DTNBP1: variants seen among roughly 807,000 people sequenced by gnomAD.
The protein encoded by DTNBP1 is dystrobrevin binding protein 1.
A neutral mutation model predicts 42.8 loss-of-function variants in DTNBP1; 35 were observed. That is an observed-to-expected ratio of 0.82 (90% CI 0.63 to 1.09). The LOEUF (loss-of-function observed/expected upper bound fraction) is 1.09. Among genes scored for constraint, DTNBP1 ranks in the 50% least tolerant of loss-of-function variants. The pLI is 0.00. For synonymous variants in DTNBP1, 171 were observed against 162.2 expected, an observed-to-expected ratio of 1.05 and a Z score of -0.41; for missense variants, 457 against 424.2, an observed-to-expected ratio of 1.08 and a Z score of -0.68.
chr6:15,652,183 A>T, intron 1 of DTNBP1, 43 bp from the exon 2 acceptor site: 1 of 1,466,754 alleles, frequency 6.8e-7, no homozygotes, highest in Non-Finnish European at 9.3e-7. Flanking sequence ...AAGTCAAGAG[A>T]TTATTATTAT....
At chr6:15,584,722 T>C (rs1285425535) in intron 7 of DTNBP1, among the ~76,000 whole-genome samples, 1 of 146,680 alleles carries the variant, frequency 6.8e-6, no homozygotes, top group African/African-American at 2.5e-5. Context: ...TTTTTTTTTT[T>C]TTTTTTCATT....
In DTNBP1 at chr6:15,542,587, G is replaced by T. The variant is rs551116932; in HGVS notation, c.512-9192C>A. ...GGGTTTCACATTGTTTGACAGGATG[G>T]TCTCGATCTCCTGACCTTTTGATCC... On this transcript the variant is annotated intron_variant, in intron 7 of 9. Transcript: ENST00000344537. Among the ~76,000 whole-genome samples the T allele has an allele frequency of 2.6e-5, 4 of 152,162 alleles. No homozygotes were observed. The East Asian group carries it at 7.7e-4, about 29-fold the overall frequency.
At chr6:15,585,029 A>C (rs952883488) in intron 7 of DTNBP1, among the ~76,000 whole-genome samples, 2 of 144,130 alleles carry the variant, frequency 1.4e-5, no homozygotes, top group African/African-American at 5.1e-5. Flanking sequence ...CTAACAGATA[A>C]GGAATACACT....
At chr6:15,540,682 T>TC (rs1314125598) in intron 7 of DTNBP1, among the ~76,000 whole-genome samples, 1 of 152,116 alleles carries the variant, frequency 6.6e-6, no homozygotes, top group Admixed American at 6.6e-5. Context: ...TGCTCTGTCG[T>TC]CCAGGCTGGA....
At chr6:15,575,716 G>GA (rs1301508119) in intron 7 of DTNBP1, among the ~76,000 whole-genome samples, 18 of 152,268 alleles carry the variant, frequency 1.2e-4, no homozygotes, top group Admixed American at 5.2e-4. Flanking sequence ...TCATGGAGGG[G>GA]AAAAAACACT....
chr6:15,622,846 C>T (rs1581404532), intron 5 of DTNBP1, among the ~76,000 whole-genome samples: 1 of 152,192 alleles, frequency 6.6e-6, no homozygotes, highest in Admixed American at 6.5e-5. Context: ...TACATATCAT[C>T]TGTAGTGTAA....
chr6:15,607,413 T>G (rs992138454), intron 6 of DTNBP1, among the ~76,000 whole-genome samples: 1 of 152,170 alleles, frequency 6.6e-6, no homozygotes, highest in Non-Finnish European at 1.5e-5. Context: ...GGGATTCTCC[T>G]GCCTCAGCCT....
At chr6:15,646,694 G>A (rs1760699652) in intron 3 of DTNBP1, among the ~76,000 whole-genome samples, 1 of 152,000 alleles carries the variant, frequency 6.6e-6, no homozygotes, top group Non-Finnish European at 1.5e-5. Context: ...GAACAGGATA[G>A]AGAATCCAGA....
At chr6:15,645,187 GGA>G (rs1760603645) in intron 3 of DTNBP1, among the ~76,000 whole-genome samples, 3 of 151,914 alleles carry the variant, frequency 2.0e-5, no homozygotes, top group South Asian at 2.1e-4. Context: ...TAGAGGAAAT[GGA>G]TTAATTCCTA....
intron 6 of DTNBP1, among the ~76,000 whole-genome samples, chr6:15,596,073 T>C (rs542884599): frequency 5.3e-5 from 8 of 152,126 alleles, no homozygotes; most frequent in Non-Finnish European, 8.8e-5. Flanking sequence ...TAATTAATAC[T>C]TGGCAAGAGC....
chr6:15,617,329 A>G (rs1758771508), intron 5 of DTNBP1, among the ~76,000 whole-genome samples: 1 of 152,206 alleles, frequency 6.6e-6, no homozygotes, highest in Non-Finnish European at 1.5e-5. Flanking sequence ...AATCCCTATC[A>G]AAACACCAAT....
chr6:15,563,069 G>A (rs992114837), intron 7 of DTNBP1, among the ~76,000 whole-genome samples: 5 of 152,144 alleles, frequency 3.3e-5, no homozygotes, highest in African/African-American at 7.2e-5. Context: ...CAGCCTTCAC[G>A]ACCTGCTTCT....
At chr6:15,635,673 A>G (rs1759964951) in intron 4 of DTNBP1, among the ~76,000 whole-genome samples, 1 of 152,214 alleles carries the variant, frequency 6.6e-6, no homozygotes, top group South Asian at 2.1e-4. Context: ...GTTCAACCTA[A>G]AGACCTTTTA....
chr6:15,568,044 A>C (rs1561964218), intron 7 of DTNBP1, among the ~76,000 whole-genome samples: 1 of 152,158 alleles, frequency 6.6e-6, no homozygotes, highest in Non-Finnish European at 1.5e-5. Flanking sequence ...GGCATTTGAG[A>C]AAACAGCAGA....
intron 7 of DTNBP1, among the ~76,000 whole-genome samples, chr6:15,563,768 C>T (rs1347557441): frequency 6.6e-6 from 1 of 152,158 alleles, no homozygotes; most frequent in Non-Finnish European, 1.5e-5. Flanking sequence ...TTTAAGAATC[C>T]TAGCCCCAGC....
intron 7 of DTNBP1, among the ~76,000 whole-genome samples, chr6:15,538,813 T>C (rs563430002): frequency 2.0e-4 from 31 of 152,336 alleles, no homozygotes; most frequent in African/African-American, 7.2e-4. Flanking sequence ...CCATTTCAGC[T>C]ACCTTCTGTC....
Position 15,533,280 on chromosome 6 carries a change from C to T in DTNBP1, c.627G>A (p.Gln209=), listed in dbSNP as rs1772995766. ...TCTGCAGGTAGCCAGTGGACAGGTA[C>T]TGCTCCATGTCCTGCTGGAAGGCTT... ...FEEAFQQDME[Q]YLSTGYLQIA... Residue 209 remains glutamine, a synonymous_variant, in exon 8 of 10, where the codon CAG becomes CAA. Coordinates refer to ENST00000344537, the MANE Select transcript of DTNBP1 (RefSeq NM_032122.5). The T allele has an allele frequency of 1.2e-6, 2 of 1,614,192 alleles. No homozygotes were observed. Among genetic ancestry groups the T allele is most frequent in the South Asian group, 1.1e-5 (1 of 91,086 alleles).
In DTNBP1 at chr6:15,587,273, C is replaced by T. The variant is rs190858453; in HGVS notation, c.511+5786G>A. ...TGGCTTAAACAAACATGGATACATT[C>T]CATGTTCATGGATTGAAAGACTCAC... is the stretch of plus-strand genomic sequence containing the variant. On this transcript the variant is annotated intron_variant, in intron 7 of 9. Transcript: ENST00000344537. The surrounding 1 kb of genome is among the most constrained non-coding windows in gnomAD (Gnocchi z 4.1). 3.6e-4 allele frequency among the ~76,000 whole-genome samples: 55 copies of T among 152,256 alleles called. No individual in the cohort carries two copies. Among genetic ancestry groups the T allele is most frequent in the African/African-American group, 1.3e-3 (55 of 41,534 alleles).
At chr6:15,539,052 T>C (rs1763643121) in intron 7 of DTNBP1, among the ~76,000 whole-genome samples, 1 of 152,234 alleles carries the variant, frequency 6.6e-6, no homozygotes, top group African/African-American at 2.4e-5. Context: ...CTGGTATGCA[T>C]GGCAGACCTT....
Sources: allele counts gnomAD v4.1 joint callset (sites outside exome capture counted in the v4.1 genomes callset), GRCh38; gene constraint gnomAD v4.1.1; non-coding constraint Gnocchi (gnomAD v3.1); transcripts MANE v1.5; gene names NCBI Gene and HGNC (gene_info 2026-07-23, HGNC 2026-07-21).